The following MAGED1 variants were observed in gnomAD, a reference collection of about 807,000 sequenced individuals.
The protein encoded by MAGED1 is melanoma-associated antigen D1.
MAGED1 carries 3 observed loss-of-function variants against 54.1 expected under a neutral mutation model. The ratio of observed to expected loss-of-function variants is 0.06; its 90% CI spans 0.03 to 0.14. MAGED1 has a LOEUF of 0.14. Among genes scored for constraint, MAGED1 ranks in the 10% least tolerant of loss-of-function variants. The probability of loss-of-function intolerance (pLI) is 1.00; values close to 1 mark genes in which losing one functional copy is unlikely to be tolerated. For synonymous variants in MAGED1, 217 were observed against 227.3 expected (o/e 0.95, Z 0.41); for missense variants, 485 against 623.4 (o/e 0.78, Z 2.36).
At position 51,901,847 on chromosome X, in the gene MAGED1, G is replaced by A. The variant is rs782050057; in HGVS notation, c.2254G>A (p.Gly752Ser). 1.4e-5 allele frequency: 17 copies of A among 1,209,154 alleles called. No individual in the cohort carries two copies. Among genetic ancestry groups the A allele is most frequent in the Middle Eastern group, 2.3e-4 (1 of 4,299 alleles). ...ARSRFPQTFA[G>S]PIIGPGGTAS... The stretch of plus-strand genomic sequence containing the variant: ...CTCCAGATTCCCTCAGACCTTTGCC[G>A]GTCCCATTATTGGTCCTGGTGGTAC... Residue 752 changes from glycine (G) to serine (S), a missense_variant, in exon 12 of 13, where the codon GGT becomes AGT. Physicochemically the swap from Gly to Ser is moderately conservative, Grantham distance 56. Around this residue, in one of 2 missense-constraint regions of MAGED1, gnomAD observed 186 missense variants for 330.3 expected, o/e 0.56. Coordinates refer to ENST00000326587, the MANE Select transcript of MAGED1 (RefSeq NM_006986.4).
intron 1 of MAGED1, among the ~76,000 whole-genome samples, chrX:51,814,617 T>C (rs1391980023): frequency 1.8e-5 from 2 of 111,302 alleles, no homozygotes; most frequent in African/African-American, 6.5e-5. Context: ...AGCATTATGA[T>C]GTTTTGGTCA....
At chrX:51,891,313 A>G (rs1557363497), upstream of MAGED1, among the ~76,000 whole-genome samples, 1 of 113,076 alleles carries the variant, frequency 8.8e-6, no homozygotes, top group Non-Finnish European at 1.9e-5. Flanking sequence ...CATTTATGTA[A>G]CAACATATAT....
chrX:51,861,889 C>T (rs1557360706), intron 1 of MAGED1, among the ~76,000 whole-genome samples: 1 of 111,392 alleles, frequency 9.0e-6, no homozygotes, highest in African/African-American at 3.3e-5. Context: ...ACCATGTTGG[C>T]CAGGCTGGTT....
chrX:51,837,892 G>A (rs934945494), intron 1 of MAGED1, among the ~76,000 whole-genome samples: 6 of 112,646 alleles, frequency 5.3e-5, no homozygotes, highest in African/African-American at 1.9e-4. Context: ...GCAATTGTCA[G>A]TTGGTTCATT....
At chrX:51,880,986 C>G (rs1228943237) in intron 1 of MAGED1, among the ~76,000 whole-genome samples, 1 of 110,985 alleles carries the variant, frequency 9.0e-6, no homozygotes, top group Admixed American at 9.6e-5. Context: ...GCTGCTGTAA[C>G]TGACTACCAT....
At chrX:51,831,234 G>T (rs1312016191) in intron 1 of MAGED1, among the ~76,000 whole-genome samples, 5 of 112,469 alleles carry the variant, frequency 4.4e-5, no homozygotes, top group African/African-American at 1.3e-4. Flanking sequence ...GTAACAAAAT[G>T]TTCCTAACAA....
intron 1 of MAGED1, among the ~76,000 whole-genome samples, chrX:51,850,944 C>T (rs1926867600): frequency 9.0e-6 from 1 of 111,478 alleles, no homozygotes; most frequent in African/African-American, 3.3e-5. Context: ...ATTCTGTTTA[C>T]TGTGACCTAG....
intron 1 of MAGED1, among the ~76,000 whole-genome samples, chrX:51,848,770 T>C (rs782213101): frequency 1.8e-5 from 2 of 112,366 alleles, no homozygotes; most frequent in African/African-American, 3.2e-5. Flanking sequence ...GACAGGACTT[T>C]CCTGAGAATT....
intron 1 of MAGED1, among the ~76,000 whole-genome samples, chrX:51,820,644 CTATT>C (rs1328642278): frequency 1.8e-5 from 2 of 110,963 alleles, no homozygotes; most frequent in African/African-American, 3.3e-5. Flanking sequence ...CACAATAATT[CTATT>C]TATTTATGGG....
At position 51,895,360 on chromosome X, in the gene MAGED1, C is replaced by A. The variant is rs1246300305; in HGVS notation, c.353C>A (p.Thr118Asn). The part of the protein sequence containing the change: ...PKAAFKSQNA[T>N]PKGPNAAYDF... Reference sequence around the variant, plus strand: ...GCAGCCTTTAAGTCCCAAAATGCTACCCCAAAGGGTCCAAATGCTGCCTAT... The same window carrying A: ...GCAGCCTTTAAGTCCCAAAATGCTAACCCAAAGGGTCCAAATGCTGCCTAT... Residue 118 changes from threonine to asparagine, a missense_variant, in exon 3 of 13, where the codon ACC becomes AAC. Thr to Asn is a moderately conservative substitution (Grantham distance 65). Transcript: ENST00000326587. 3 of 1,207,574 alleles carry A rather than the reference C, an allele frequency of 2.5e-6. No homozygotes were observed. Among genetic ancestry groups the A allele is most frequent in the Non-Finnish European group, 3.4e-6 (3 of 893,885 alleles).
At chrX:51,808,315 A>G (rs1042466760) in intron 1 of MAGED1, among the ~76,000 whole-genome samples, 2 of 111,978 alleles carry the variant, frequency 1.8e-5, no homozygotes, top group Non-Finnish European at 3.8e-5. Flanking sequence ...TGTTGTTCCA[A>G]CTGTCCAATC....
At chrX:51,858,800 G>T (rs1370850404) in intron 1 of MAGED1, among the ~76,000 whole-genome samples, 1 of 111,545 alleles carries the variant, frequency 9.0e-6, no homozygotes, top group Non-Finnish European at 1.9e-5. Flanking sequence ...GGAGAAGCTA[G>T]GGTATGTGGC....
intron 1 of MAGED1, among the ~76,000 whole-genome samples, chrX:51,876,887 C>T (rs1488870633): frequency 2.7e-5 from 3 of 111,321 alleles, no homozygotes; most frequent in African/African-American, 9.8e-5. Context: ...TTTAATATTA[C>T]AATAGAAGCA....
intron 1 of MAGED1, among the ~76,000 whole-genome samples, chrX:51,809,237 C>T (rs1925135258): frequency 9.0e-6 from 1 of 111,398 alleles, no homozygotes. Context: ...GCCTCAGGCT[C>T]CCGAGTAGCT....
intron 1 of MAGED1, among the ~76,000 whole-genome samples, chrX:51,879,067 A>G (rs1285751295): frequency 9.0e-6 from 1 of 111,561 alleles, no homozygotes; most frequent in African/African-American, 3.3e-5. Context: ...CCATCCATTT[A>G]TTTTCATCTT....
At chrX:51,850,382 G>A (rs1258964706) in intron 1 of MAGED1, among the ~76,000 whole-genome samples, 1 of 112,299 alleles carries the variant, frequency 8.9e-6, no homozygotes, top group Non-Finnish European at 1.9e-5. Context: ...TCAGTTAGTT[G>A]ACCACAGTCC....
At chrX:51,827,370 T>C (rs782516022) in intron 1 of MAGED1, among the ~76,000 whole-genome samples, 2 of 112,271 alleles carry the variant, frequency 1.8e-5, no homozygotes, top group East Asian at 5.6e-4. Context: ...ATCAGTGGCT[T>C]CCAGGGTTTG....
At chrX:51,813,583 TGTAA>T (rs1156873679) in intron 1 of MAGED1, among the ~76,000 whole-genome samples, 1 of 112,263 alleles carries the variant, frequency 8.9e-6, no homozygotes, top group Non-Finnish European at 1.9e-5. Context: ...GCATTGTTTA[TGTAA>T]GTAAGTAGTA....
At chrX:51,814,276 T>C (rs1465483670) in intron 1 of MAGED1, among the ~76,000 whole-genome samples, 5 of 111,740 alleles carry the variant, frequency 4.5e-5, no homozygotes, top group South Asian at 3.8e-4. Context: ...CTGCTGCCGC[T>C]GCCGCTGCTG....
Sources: allele counts gnomAD v4.1 joint callset (sites outside exome capture counted in the v4.1 genomes callset), GRCh38; gene constraint gnomAD v4.1.1; regional missense constraint gnomAD v4.1.1; transcripts MANE v1.5; gene names NCBI Gene and HGNC (gene_info 2026-07-23, HGNC 2026-07-21).